PCDHA12: variants seen among roughly 807,000 people sequenced by gnomAD.
The protein encoded by PCDHA12 is protocadherin alpha 12.
Under a neutral mutation model 60.0 loss-of-function variants are expected in PCDHA12, and 44 were observed. That is an observed-to-expected ratio of 0.73 (90% CI 0.58 to 0.94). The LOEUF (loss-of-function observed/expected upper bound fraction) is 0.94, where lower values mean the gene tolerates loss of function less well. PCDHA12 is among the 40% of genes least tolerant of loss of function. PCDHA12 has a pLI of 0.00. For missense variants in PCDHA12, 1,276 were observed against 1,239.7 expected, an observed-to-expected ratio of 1.03 and a Z score of -0.44; for synonymous variants, 569 against 553.0, an observed-to-expected ratio of 1.03 and a Z score of -0.40.
rs73793515 is a variant in PCDHA12 at position 140,889,833 on chromosome 5, T to C, written c.2367+11994T>C. ...TCAGGTCATAAGAAGTCTTACAGTA[T>C]GCTTTGGTCTCTGAGAATATTTGTT... On this transcript the variant is annotated intron_variant, in intron 1 of 3. Coordinates refer to ENST00000398631, the MANE Select transcript of PCDHA12 (RefSeq NM_018903.4). Among the ~76,000 whole-genome samples, 1,245 of 152,254 alleles carry C rather than the reference T, an allele frequency of 8.2e-3. 11 individuals are homozygous for C. The highest frequency in any genetic ancestry group is 0.029 in the African/African-American group (1,203 of 41,548).
At chr5:140,897,762 A>G (rs572488219) in intron 1 of PCDHA12, among the ~76,000 whole-genome samples, 1 of 152,324 alleles carries the variant, frequency 6.6e-6, no homozygotes, top group East Asian at 1.9e-4. Flanking sequence ...AGGAATCGCC[A>G]CACTGACTTC....
chr5:140,967,017 C>T, intron 1 of PCDHA12: 1 of 1,606,892 alleles, frequency 6.2e-7, no homozygotes, highest in Non-Finnish European at 8.5e-7. Context: ...CATCTGGGTG[C>T]GCCCAGTCCG....
chr5:140,992,798 CAT>C (rs1554253202), intron 3 of PCDHA12, among the ~76,000 whole-genome samples: 1 of 152,076 alleles, frequency 6.6e-6, no homozygotes, highest in African/African-American at 2.4e-5. Context: ...TTTATGGATC[CAT>C]ATGTATCTAA....
At chr5:140,927,104 C>CA in intron 1 of PCDHA12, 1 of 1,613,722 alleles carries the variant, frequency 6.2e-7, no homozygotes, top group Non-Finnish European at 8.5e-7. Flanking sequence ...GTGGATCTAC[C>CA]CAGCGGCAAT....
intron 1 of PCDHA12, among the ~76,000 whole-genome samples, chr5:140,898,095 T>C (rs1196262591): frequency 7.9e-5 from 12 of 152,170 alleles, no homozygotes; most frequent in Non-Finnish European, 1.6e-4. Flanking sequence ...ATTAGCCCTT[T>C]GTCAGATGAG....
chr5:140,877,118 T>C lies in PCDHA12; in HGVS notation c.1646T>C (p.Val549Ala). The C allele has an allele frequency of 6.2e-7, 1 of 1,613,690 alleles. No homozygotes were observed. The highest frequency in any genetic ancestry group is 1.1e-5 in the South Asian group (1 of 91,064). Residue 549 changes from valine (V) to alanine (A), a missense_variant, in exon 1 of 4, where the codon GTG (valine) becomes GCG (alanine). By Grantham distance (64) the Val-to-Ala change is moderately conservative (BLOSUM62 0). Transcript: ENST00000398631. ...GGCGTGCCGCCTCTGGGCAGCAACG[T>C]GACGCTGCAGGTGTTCGTGCTGGAC... ...DAGVPPLGSN[V>A]TLQVFVLDEN...
At chr5:140,928,452 G>T in intron 1 of PCDHA12, 3 of 1,614,126 alleles carry the variant, frequency 1.9e-6, no homozygotes, top group Non-Finnish European at 2.5e-6. Flanking sequence ...AGCTCAGGGG[G>T]TTTCATTTCC....
intron 1 of PCDHA12, among the ~76,000 whole-genome samples, chr5:140,963,050 G>C (rs2095732681): frequency 2.6e-5 from 4 of 152,030 alleles, no homozygotes; most frequent in Admixed American, 2.6e-4. Flanking sequence ...AGTCTATAAG[G>C]GTTTCTACAT....
chr5:140,977,359 A>G (rs1335405602), intron 1 of PCDHA12, among the ~76,000 whole-genome samples: 6 of 152,212 alleles, frequency 3.9e-5, no homozygotes, highest in Non-Finnish European at 8.8e-5. Context: ...TGATTGATAA[A>G]AAGTATTTTA....
chr5:140,927,674 A>T (rs201769803), intron 1 of PCDHA12: 1 of 1,614,182 alleles, frequency 6.2e-7, no homozygotes, highest in Non-Finnish European at 8.5e-7. Flanking sequence ...TTGGATCCAG[A>T]TGAAGGGTCC....
rs1346870417 is a variant in PCDHA12 at position 140,982,634 on chromosome 5, TC to T, written c.2515+72del. 11 of 1,555,302 alleles carry T rather than the reference TC, an allele frequency of 7.1e-6. No homozygotes were observed. In the Admixed American group the frequency reaches 2.2e-4, roughly 30 times the overall value. ...GATCAGATGACCTACTTTTGTAAGATCAGGAATGTTGATGGCTCTTTTTCTT... is the reference window on the plus strand; with the variant it reads ...GATCAGATGACCTACTTTTGTAAGATAGGAATGTTGATGGCTCTTTTTCTT... On this transcript the variant is annotated intron_variant, in intron 3 of 3. Transcript: ENST00000398631.
At chr5:140,945,641 C>T (rs1253716354) in intron 1 of PCDHA12, among the ~76,000 whole-genome samples, 3 of 151,972 alleles carry the variant, frequency 2.0e-5, no homozygotes, top group Non-Finnish European at 2.9e-5. Context: ...GACATGTAGA[C>T]CAATGGAGCA....
chr5:140,979,898 G>A (rs1253481087), intron 2 of PCDHA12, among the ~76,000 whole-genome samples: 2 of 152,212 alleles, frequency 1.3e-5, no homozygotes, highest in Non-Finnish European at 1.5e-5. Context: ...ACCAAACTTA[G>A]ATCAGTTCGT....
chr5:140,991,310 C>T (rs1450251256), intron 3 of PCDHA12, among the ~76,000 whole-genome samples: 2 of 152,140 alleles, frequency 1.3e-5, no homozygotes, highest in Admixed American at 6.5e-5. Flanking sequence ...TATCTTGTCC[C>T]GCATGATACA....
intron 1 of PCDHA12, chr5:140,968,410 T>G: frequency 6.2e-7 from 1 of 1,614,040 alleles, no homozygotes. Context: ...TCTTTGTGAC[T>G]GTGGAGGCTC....
At chr5:140,882,768 C>T (rs1554175511) in intron 1 of PCDHA12, 1 of 1,614,222 alleles carries the variant, frequency 6.2e-7, no homozygotes, top group East Asian at 2.2e-5. Context: ...GTAAACTCGG[C>T]ATTGACCTAC....
chr5:140,941,214 C>CTTTCTTTCTTTCTGTCTTT, intron 1 of PCDHA12, among the ~76,000 whole-genome samples: 1 of 122,492 alleles, frequency 8.2e-6, no homozygotes, highest in African/African-American at 3.1e-5. Flanking sequence ...TTTCTTTCTT[C>CTTTCTTTCTTTCTGTCTTT]CTTTCTTTCT....
intron 1 of PCDHA12, among the ~76,000 whole-genome samples, chr5:140,960,936 T>G (rs1198055000): frequency 6.6e-6 from 1 of 152,210 alleles, no homozygotes. Flanking sequence ...CTAAGTTTAG[T>G]GAATTAGAAA....
chr5:140,891,056 T>C (rs2062933451), intron 1 of PCDHA12, among the ~76,000 whole-genome samples: 1 of 152,196 alleles, frequency 6.6e-6, no homozygotes, highest in Non-Finnish European at 1.5e-5. Context: ...CAGCACATAG[T>C]AAATATTATT....
Sources: gnomAD v4.1 joint callset for allele counts (sites outside exome capture counted in the v4.1 genomes callset) on GRCh38, gnomAD v4.1.1 for gene constraint, MANE v1.5 for transcripts, NCBI Gene and HGNC (gene_info 2026-07-23, HGNC 2026-07-21) for gene names.